ARB2A: variants seen among roughly 807,000 people sequenced by gnomAD.
ARB2A encodes the protein ARB2 cotranscriptional regulator A.
the ARB2A span, among the ~76,000 whole-genome samples, chr5:94,089,014 T>A: frequency 1.3e-5 from 2 of 152,074 alleles, no homozygotes; most frequent in Admixed American, 6.6e-5. Flanking sequence ...CGAGAAAAAA[T>A]AATGATTTTC....
the ARB2A span, among the ~76,000 whole-genome samples, chr5:93,898,339 G>A: frequency 6.6e-6 from 1 of 151,794 alleles, no homozygotes; most frequent in African/African-American, 2.4e-5. Context: ...CAAACCTTAA[G>A]CATGACTGTT....
the ARB2A span, among the ~76,000 whole-genome samples, chr5:93,981,799 A>G: frequency 6.6e-6 from 1 of 152,184 alleles, no homozygotes; most frequent in Non-Finnish European, 1.5e-5. Context: ...GCTAAAATCC[A>G]GCATGATTAA....
At chr5:93,696,432 A>C in the ARB2A span, among the ~76,000 whole-genome samples, 1 of 152,154 alleles carries the variant, frequency 6.6e-6, no homozygotes, top group Admixed American at 6.5e-5. Flanking sequence ...GTTCAGTTTA[A>C]TGGATCTCTC....
the ARB2A span, among the ~76,000 whole-genome samples, chr5:93,691,009 C>T: frequency 1.3e-5 from 2 of 152,084 alleles, no homozygotes; most frequent in African/African-American, 4.8e-5. Context: ...CACACAAAAA[C>T]CCCTTCTGAA....
At chr5:93,857,902 G>C in the ARB2A span, among the ~76,000 whole-genome samples, 1 of 152,206 alleles carries the variant, frequency 6.6e-6, no homozygotes, top group Non-Finnish European at 1.5e-5. Context: ...GCTGTAGACT[G>C]GAGCTGTTCC....
chr5:93,808,195 A>G, the ARB2A span, among the ~76,000 whole-genome samples: 13 of 152,026 alleles, frequency 8.6e-5, no homozygotes, highest in Admixed American at 7.9e-4. Context: ...AAAATGGGTT[A>G]TTTTTAATAG....
chr5:93,890,677 C>T, the ARB2A span, among the ~76,000 whole-genome samples: 1 of 151,924 alleles, frequency 6.6e-6, no homozygotes, highest in African/African-American at 2.4e-5. Context: ...CTGAAGTAAG[C>T]CATGCATAGT....
chr5:93,698,488 A>G, the ARB2A span, among the ~76,000 whole-genome samples: 1 of 152,202 alleles, frequency 6.6e-6, no homozygotes, highest in Non-Finnish European at 1.5e-5. Flanking sequence ...ATGCAGTTTC[A>G]AATGAGGCAG....
the ARB2A span, among the ~76,000 whole-genome samples, chr5:93,640,038 C>T: frequency 2.4e-4 from 31 of 130,446 alleles, no homozygotes; most frequent in South Asian, 3.2e-3. Context: ...GACTCCAGCC[C>T]GGGTGACAGT....
At chr5:93,623,226 G>A in the ARB2A span, among the ~76,000 whole-genome samples, 3 of 150,298 alleles carry the variant, frequency 2.0e-5, no homozygotes, top group Non-Finnish European at 4.4e-5. Context: ...CATACTACGT[G>A]GCAACACCCA....
the ARB2A span, among the ~76,000 whole-genome samples, chr5:93,885,137 A>G: frequency 3.3e-5 from 5 of 151,726 alleles, 1 homozygote; most frequent in Admixed American, 3.3e-4. Context: ...ACCATTTAAA[A>G]AAGTGATTCT....
the ARB2A span, among the ~76,000 whole-genome samples, chr5:93,626,726 T>C: frequency 6.6e-6 from 1 of 152,260 alleles, no homozygotes; most frequent in Non-Finnish European, 1.5e-5. Flanking sequence ...TTTTAGCAAG[T>C]TGCAACTATT....
chr5:93,882,601 G>A, the ARB2A span, among the ~76,000 whole-genome samples: 1 of 150,992 alleles, frequency 6.6e-6, no homozygotes, highest in African/African-American at 2.4e-5. Context: ...AATGGAATAA[G>A]CTAACCATGA....
chr5:93,657,537 T>C, the ARB2A span, among the ~76,000 whole-genome samples: 3 of 152,184 alleles, frequency 2.0e-5, no homozygotes, highest in African/African-American at 7.2e-5. Context: ...TCCTGAAGAA[T>C]ACAGGTTATG....
chr5:93,720,545 G>C, the ARB2A span, among the ~76,000 whole-genome samples: 2 of 152,126 alleles, frequency 1.3e-5, no homozygotes, highest in Admixed American at 1.3e-4. Flanking sequence ...ACCACCAACT[G>C]TGCCAAATAA....
the ARB2A span, among the ~76,000 whole-genome samples, chr5:93,771,371 A>T: frequency 2.4e-3 from 358 of 151,284 alleles, 1 homozygote; most frequent in African/African-American, 8.2e-3. Context: ...AACCTAGGCA[A>T]TACCATTCAG....
chr5:94,037,650 C>T, the ARB2A span, among the ~76,000 whole-genome samples: 367 of 152,174 alleles, frequency 2.4e-3, no homozygotes, highest in African/African-American at 8.3e-3. Flanking sequence ...GTCATACAGA[C>T]GTGACTGAGC....
At chr5:94,070,882 C>T in the ARB2A span, among the ~76,000 whole-genome samples, 1 of 151,906 alleles carries the variant, frequency 6.6e-6, no homozygotes, top group African/African-American at 2.4e-5. Context: ...GTCAACAAAC[C>T]TGTCAATATT....
the ARB2A span, among the ~76,000 whole-genome samples, chr5:93,894,502 C>A: frequency 2.0e-5 from 3 of 152,052 alleles, no homozygotes; most frequent in African/African-American, 7.2e-5. Flanking sequence ...GAAATGCCTG[C>A]TGAATGCAAA....
Sources: gnomAD v4.1 joint callset for allele counts (sites outside exome capture counted in the v4.1 genomes callset) on GRCh38, gnomAD v4.1.1 for gene constraint, MANE v1.5 for transcripts, NCBI Gene and HGNC (gene_info 2026-07-23, HGNC 2026-07-21) for gene names.